CHCHD3: variants seen among roughly 807,000 people sequenced by gnomAD.
CHCHD3 encodes MICOS complex subunit MIC19.
In CHCHD3, 20 loss-of-function variants were observed where a neutral mutation model predicts 38.2. That is an observed-to-expected ratio of 0.52 (90% CI 0.37 to 0.76). CHCHD3 has a LOEUF of 0.76. Among genes scored for constraint, CHCHD3 ranks in the 30% least tolerant of loss-of-function variants. CHCHD3 has a pLI of 0.00. For missense variants in CHCHD3, 245 were observed against 279.2 expected, an observed-to-expected ratio of 0.88 and a Z score of 0.87; for synonymous variants, 82 against 100.0, an observed-to-expected ratio of 0.82 and a Z score of 1.07.
chr7:133,075,789 G>A (rs1015721964), intron 1 of CHCHD3, among the ~76,000 whole-genome samples: 3 of 152,196 alleles, frequency 2.0e-5, no homozygotes, highest in African/African-American at 7.2e-5. Flanking sequence ...GTCAGGTGTG[G>A]TGGCTCACGC....
chr7:132,888,817 G>T (rs536270160), intron 4 of CHCHD3, among the ~76,000 whole-genome samples: 9 of 152,034 alleles, frequency 5.9e-5, no homozygotes, highest in Admixed American at 2.0e-4. Context: ...AAAAAAACAC[G>T]TCATAAAATA....
At chr7:133,080,234 G>C (rs768202817) in intron 1 of CHCHD3, among the ~76,000 whole-genome samples, 3 of 152,198 alleles carry the variant, frequency 2.0e-5, no homozygotes, top group Non-Finnish European at 4.4e-5. Context: ...ATGCTGTCAA[G>C]TTATATGACC....
chr7:133,018,521 T>C (rs1487324262), intron 3 of CHCHD3, among the ~76,000 whole-genome samples: 1 of 152,208 alleles, frequency 6.6e-6, no homozygotes, highest in African/African-American at 2.4e-5. Context: ...CCTGAAAAGT[T>C]TTTTTAATTA....
Position 132,916,765 on chromosome 7 carries a change from G to A in CHCHD3, c.370-31020C>T, listed in dbSNP as rs556360127. On this transcript the variant is annotated intron_variant, in intron 4 of 7. Transcript: ENST00000262570. ...CCCAGCTAATTTTATTTTTGGTAGA[G>A]ATGGGGTCTCTCTATATTTGCCCAG... 4.6e-5 allele frequency among the ~76,000 whole-genome samples: 7 copies of A among 152,026 alleles called. 1 individual carries two copies. In the South Asian group the frequency reaches 1.5e-3, roughly 32 times the overall value.
intron 5 of CHCHD3, among the ~76,000 whole-genome samples, chr7:132,857,883 C>T (rs781304501): frequency 2.6e-4 from 40 of 152,142 alleles, no homozygotes; most frequent in Non-Finnish European, 4.7e-4. Context: ...CATTTAGAGG[C>T]TCAACTACTT....
intron 3 of CHCHD3, among the ~76,000 whole-genome samples, chr7:132,988,684 T>A (rs1562930772): frequency 6.6e-6 from 1 of 151,704 alleles, no homozygotes; most frequent in African/African-American, 2.4e-5. Flanking sequence ...GAGGATGAGG[T>A]GGGAGGATCA....
intron 2 of CHCHD3, among the ~76,000 whole-genome samples, chr7:133,043,874 A>G (rs1813903250): frequency 6.6e-6 from 1 of 152,228 alleles, no homozygotes. Context: ...GTAGCAAAAT[A>G]TGAGACACAC....
At chr7:132,903,873 C>A (rs1473142956) in intron 4 of CHCHD3, among the ~76,000 whole-genome samples, 4 of 152,150 alleles carry the variant, frequency 2.6e-5, no homozygotes, top group Admixed American at 2.6e-4. Flanking sequence ...CACCCTTAAG[C>A]CTTTTAAACT....
chr7:132,958,944 A>G (rs1285520747), intron 4 of CHCHD3, among the ~76,000 whole-genome samples: 2 of 152,210 alleles, frequency 1.3e-5, no homozygotes, highest in Admixed American at 1.3e-4. Context: ...CTTCTCATCC[A>G]AATATTAACC....
chr7:132,972,619 C>G, intron 4 of CHCHD3: 1 of 985,424 alleles, frequency 1.0e-6, no homozygotes, highest in Non-Finnish European at 1.2e-6. Flanking sequence ...AACTAAATGT[C>G]ACTGGCAGCC....
intron 4 of CHCHD3, among the ~76,000 whole-genome samples, chr7:132,910,147 A>T (rs536000030): frequency 7.2e-5 from 11 of 152,316 alleles, no homozygotes; most frequent in African/African-American, 2.6e-4. Context: ...GTGGGACTTA[A>T]ATATGCACAG....
intron 4 of CHCHD3, among the ~76,000 whole-genome samples, chr7:132,957,206 A>G (rs1811197757): frequency 6.6e-6 from 1 of 152,178 alleles, no homozygotes; most frequent in African/African-American, 2.4e-5. Flanking sequence ...CTCTTTCTTC[A>G]TGAAGAAAAG....
At chr7:133,021,323 C>T (rs1178526804) in intron 3 of CHCHD3, among the ~76,000 whole-genome samples, 1 of 152,144 alleles carries the variant, frequency 6.6e-6, no homozygotes, top group Non-Finnish European at 1.5e-5. Context: ...ATCTTAAAAT[C>T]AGGGGCATGC....
At chr7:132,864,157 T>G (rs1808557467) in intron 5 of CHCHD3, among the ~76,000 whole-genome samples, 1 of 152,222 alleles carries the variant, frequency 6.6e-6, no homozygotes, top group African/African-American at 2.4e-5. Context: ...TTAAGCTTAA[T>G]CATTTCTAGC....
chr7:133,008,080 A>C (rs1812750286), intron 3 of CHCHD3, among the ~76,000 whole-genome samples: 1 of 152,216 alleles, frequency 6.6e-6, no homozygotes, highest in African/African-American at 2.4e-5. Flanking sequence ...CTAATGGAAA[A>C]AAACCTGAGG....
intron 5 of CHCHD3, 138 bp downstream of exon 5, chr7:132,885,524 T>A (rs1359598011): frequency 1.6e-6 from 1 of 631,176 alleles, no homozygotes; most frequent in East Asian, 3.2e-5. Flanking sequence ...ACGAACTAAC[T>A]ACCTGCTTTG....
intron 6 of CHCHD3, among the ~76,000 whole-genome samples, chr7:132,811,777 C>T (rs544910610): frequency 2.6e-4 from 39 of 152,310 alleles, no homozygotes; most frequent in African/African-American, 6.3e-4. Flanking sequence ...CTCTCTGGCT[C>T]ATTGTCTTCT....
At chr7:133,024,458 T>G in intron 3 of CHCHD3, 88 bp downstream of exon 3, 2 of 995,374 alleles carry the variant, frequency 2.0e-6, no homozygotes, top group Non-Finnish European at 3.2e-6. Flanking sequence ...ACACAAATAA[T>G]GAGACTTATC....
At chr7:132,905,696 C>T (rs148346964) in intron 4 of CHCHD3, among the ~76,000 whole-genome samples, 1 of 151,894 alleles carries the variant, frequency 6.6e-6, no homozygotes, top group African/African-American at 2.4e-5. Context: ...ATAACATCAC[C>T]AACCACCCCA....
Sources: allele counts gnomAD v4.1 joint callset (sites outside exome capture counted in the v4.1 genomes callset), GRCh38; gene constraint gnomAD v4.1.1; transcripts MANE v1.5; gene names NCBI Gene and HGNC (gene_info 2026-07-23, HGNC 2026-07-21).